Variants in ME2 observed in about 807,000 individuals in gnomAD.
ME2 encodes the protein malic enzyme 2.
In ME2, 60 loss-of-function variants were observed where a neutral mutation model predicts 73.7. That is an observed-to-expected ratio of 0.81 (90% CI 0.66 to 1.01). The LOEUF (loss-of-function observed/expected upper bound fraction) is 1.01. ME2 is among the 50% of genes least tolerant of loss of function. ME2 has a pLI of 0.00. For missense variants in ME2, 594 were observed against 705.5 expected (o/e 0.84, Z 1.79); for synonymous variants, 199 against 236.9 (o/e 0.84, Z 1.47).
At chr18:50,879,555 G>T (rs1160839525) in intron 1 of ME2, among the ~76,000 whole-genome samples, 1 of 152,226 alleles carries the variant, frequency 6.6e-6, no homozygotes, top group Non-Finnish European at 1.5e-5. Flanking sequence ...TACCCGGCGC[G>T]CGATTTCCAG....
chr18:50,892,520 G>A (rs1050638487), intron 1 of ME2, among the ~76,000 whole-genome samples: 1 of 152,148 alleles, frequency 6.6e-6, no homozygotes, highest in Non-Finnish European at 1.5e-5. Flanking sequence ...ATATATTTAG[G>A]ACTTCTTTAT....
intron 12 of ME2, among the ~76,000 whole-genome samples, chr18:50,927,086 C>G (rs958558423): frequency 6.6e-6 from 1 of 152,186 alleles, no homozygotes; most frequent in Non-Finnish European, 1.5e-5. Context: ...GACACTACCA[C>G]GGGATTATAG....
At chr18:50,939,070 A>G (rs1418661798) in intron 13 of ME2, 1 of 151,454 alleles carries the variant, frequency 6.6e-6, no homozygotes, top group Non-Finnish European at 1.5e-5. Flanking sequence ...TTACTCCTAC[A>G]GGAAAGAGTC....
chr18:50,927,035 T>C (rs1334992919), intron 12 of ME2, among the ~76,000 whole-genome samples: 1 of 152,206 alleles, frequency 6.6e-6, no homozygotes, highest in Non-Finnish European at 1.5e-5. Context: ...AAATTTTTAT[T>C]TACATCCGAA....
Position 50,924,206 on chromosome 18 carries a change from A to G in ME2, c.1165A>G (p.Ile389Val), listed in dbSNP as rs762395827. 3.8e-6 allele frequency: 6 copies of G among 1,598,956 alleles called. No homozygotes were observed. The highest frequency in any genetic ancestry group is 2.3e-5 in the South Asian group (2 of 88,782). ...AGTGAATATACTGAAGCCTTCAACT[A>G]TAATTGGTAGGTAAAGTTTTTCTGA... ...DAVNILKPST[I>V]IGVAGAGRLF... The change falls in exon 11 of 16, where the codon ATA (isoleucine) becomes GTA (valine). Residue 389 changes from isoleucine to valine, a missense_variant. Physicochemically the swap from Ile to Val is conservative, Grantham distance 29. Coordinates refer to ENST00000321341, the MANE Select transcript of ME2 (RefSeq NM_002396.5).
chr18:50,920,511 A>G lies in ME2; in HGVS notation c.790A>G (p.Arg264Gly). The G allele has an allele frequency of 6.2e-7, 1 of 1,600,358 alleles. No homozygotes were observed. The change falls in exon 8 of 16, where the codon AGG (arginine) becomes GGG (glycine). Residue 264 changes from arginine to glycine, a missense_variant. Arg to Gly is a moderately radical substitution (Grantham distance 125). Transcript: ENST00000321341. ...FEDFGNHNAF[R>G]FLRKYREKYC... ...AGACTTTGGAAATCATAATGCATTC[A>G]GGTTCTTGAGAAAGTACCGAGAAAA...
At position 50,947,096 on chromosome 18, in the gene ME2, G is replaced by T. The variant is rs1918101724; in HGVS notation, c.1667G>T (p.Arg556Ile). 6.2e-7 allele frequency: 1 copy of T among 1,613,928 alleles called. No individual in the cohort carries two copies. Among genetic ancestry groups the T allele is most frequent in the African/African-American group, 1.3e-5 (1 of 74,910 alleles). ...GACAAGGCCAAATATGTTAAAGAAA[G>T]AACATGGCGGAGTGAATATGATTCC... ...PEDKAKYVKERTWRSEYDSLL... is the reference protein window; with the variant it reads ...PEDKAKYVKEITWRSEYDSLL... The change falls in exon 16 of 16, where the codon AGA (arginine) becomes ATA (isoleucine). Residue 556 changes from arginine to isoleucine, a missense_variant. By Grantham distance (97) the Arg-to-Ile change is moderately conservative. Transcript: ENST00000321341.
intron 13 of ME2, chr18:50,933,457 T>A (rs1235673326): frequency 6.6e-6 from 1 of 152,146 alleles, no homozygotes; most frequent in Non-Finnish European, 1.5e-5. Flanking sequence ...TATATTTTTC[T>A]CCTTTTTTTT....
intron 13 of ME2, among the ~76,000 whole-genome samples, chr18:50,937,051 A>C (rs1382230951): frequency 6.6e-6 from 1 of 152,188 alleles, no homozygotes; most frequent in Non-Finnish European, 1.5e-5. Context: ...ATGAAATGAA[A>C]CAACAAAAAT....
At chr18:50,939,759 C>G in intron 14 of ME2, 119 bp downstream of exon 14, 2 of 648,094 alleles carry the variant, frequency 3.1e-6, no homozygotes, top group Non-Finnish European at 2.6e-6. Context: ...AAGGAAGTTA[C>G]TCAAATTACT....
At position 50,925,899 on chromosome 18, in the gene ME2, G is replaced by A; in HGVS notation, c.1314+1G>A. On this transcript the variant is annotated splice_donor_variant, in intron 12 of 15. Coordinates refer to ENST00000321341, the MANE Select transcript of ME2 (RefSeq NM_002396.5). LOFTEE classifies it high-confidence loss of function. Reference sequence around the variant, plus strand: ...TGAAGAAGCATATACACTTACAGAGGTATTAATAATCACATGAATTGATAT... The same window carrying A: ...TGAAGAAGCATATACACTTACAGAGATATTAATAATCACATGAATTGATAT... 6.3e-7 allele frequency: 1 copy of A among 1,596,910 alleles called. No homozygotes were observed. The highest frequency in any genetic ancestry group is 8.6e-7 in the Non-Finnish European group (1 of 1,164,726).
chr18:50,944,731 T>A (rs1918042464), intron 15 of ME2, among the ~76,000 whole-genome samples: 1 of 152,218 alleles, frequency 6.6e-6, no homozygotes, highest in Non-Finnish European at 1.5e-5. Context: ...TTTAGCTGAC[T>A]TCTTATTGTA....
intron 2 of ME2, among the ~76,000 whole-genome samples, chr18:50,903,755 A>C (rs564015965): frequency 2.0e-4 from 30 of 152,306 alleles, no homozygotes; most frequent in African/African-American, 6.5e-4. Context: ...GGCCCAAAGC[A>C]CTTCTAAATG....
intron 15 of ME2, among the ~76,000 whole-genome samples, chr18:50,941,956 C>T (rs1167875046): frequency 6.6e-6 from 1 of 151,566 alleles, no homozygotes; most frequent in Non-Finnish European, 1.5e-5. Flanking sequence ...TGTATATATA[C>T]TGTTTGCTGT....
At chr18:50,884,563 G>A (rs766846216) in intron 1 of ME2, among the ~76,000 whole-genome samples, 19 of 152,134 alleles carry the variant, frequency 1.2e-4, no homozygotes, top group Admixed American at 3.9e-4. Context: ...GATCAGGATA[G>A]CTTTGAAATC....
In ME2 at chr18:50,897,958, G is replaced by A. The variant is rs367767767; in HGVS notation, c.108+2030G>A. Among the ~76,000 whole-genome samples, 11 of 152,202 alleles carry A rather than the reference G, an allele frequency of 7.2e-5. No individual in the cohort carries two copies. In the East Asian group the frequency reaches 1.4e-3, roughly 19 times the overall value. The stretch of plus-strand genomic sequence containing the variant: ...ATAGCATCTATATGGTCACATCATT[G>A]AAGGACCACTTCTGGAAACCCCTTA... On this transcript the variant is annotated intron_variant, in intron 2 of 15. Transcript: ENST00000321341.
rs983139031 is a variant in ME2, at chr18:50,952,752, G to A, written c.*5568G>A. On this transcript the variant is annotated 3_prime_UTR_variant, in exon 16 of 16. Transcript: ENST00000321341. ...TTTTAAGTATATATTCAAGCAAATC[G>A]TTGATTCCTATACAGCCATTGGATT... 4.6e-5 allele frequency: 7 copies of A among 152,132 alleles called. No homozygotes were observed. Among genetic ancestry groups the A allele is most frequent in the African/African-American group, 1.2e-4 (5 of 41,428 alleles). The allele number at this position is 152,132 out of a possible 1,614,324, so 9.4% of individuals were successfully genotyped here. A position where few individuals can be genotyped will look rare whatever the true frequency, so the allele number is the denominator to read the frequency against.
At chr18:50,893,047 A>G (rs1568159581) in intron 1 of ME2, among the ~76,000 whole-genome samples, 1 of 146,642 alleles carries the variant, frequency 6.8e-6, no homozygotes, top group Non-Finnish European at 1.5e-5. Context: ...ATCACTTGAA[A>G]CCGGGAGGCA....
chr18:50,910,300 A>G (rs1400443758), intron 3 of ME2, among the ~76,000 whole-genome samples: 4 of 144,914 alleles, frequency 2.8e-5, no homozygotes, highest in Non-Finnish European at 6.0e-5. Context: ...AAAGCCAGGC[A>G]TGGTGTCGCA....
Sources: gnomAD v4.1 joint callset for allele counts (sites outside exome capture counted in the v4.1 genomes callset) on GRCh38, gnomAD v4.1.1 for gene constraint, MANE v1.5 for transcripts, NCBI Gene and HGNC (gene_info 2026-07-23, HGNC 2026-07-21) for gene names.